NREP: variants seen among roughly 807,000 people sequenced by gnomAD.
NREP encodes the protein neuronal regeneration-related protein.
Under a neutral mutation model 8.6 loss-of-function variants are expected in NREP, and 5 were observed. That is an observed-to-expected ratio of 0.58 (90% CI 0.30 to 1.22). The LOEUF is 1.22. NREP is among the 50% of genes most tolerant of loss of function. The pLI, the probability that NREP is intolerant of heterozygous loss-of-function variation, is 0.07. For synonymous variants in NREP, 27 were observed against 28.0 expected (o/e 0.96, Z 0.11); for missense variants, 86 against 82.5 (o/e 1.04, Z -0.17).
chr5:111,779,210 G>A (rs1303107218), intron 2 of NREP, among the ~76,000 whole-genome samples: 1 of 152,124 alleles, frequency 6.6e-6, no homozygotes, highest in Non-Finnish European at 1.5e-5. Context: ...TTATTGCTGT[G>A]TTGTTGGGCT....
chr5:111,843,362 C>T (rs960173253), intron 2 of NREP, among the ~76,000 whole-genome samples: 3 of 151,782 alleles, frequency 2.0e-5, no homozygotes, highest in Non-Finnish European at 2.9e-5. Flanking sequence ...GAAGTTTTCA[C>T]TTGGGTCATT....
chr5:111,869,896 G>C (rs1263311516), intron 2 of NREP, among the ~76,000 whole-genome samples: 3 of 152,190 alleles, frequency 2.0e-5, no homozygotes, highest in Non-Finnish European at 4.4e-5. Context: ...GAAGAAATAT[G>C]TATCTGCAGC....
At chr5:111,848,689 A>C (rs1366132312) in intron 2 of NREP, among the ~76,000 whole-genome samples, 1 of 152,034 alleles carries the variant, frequency 6.6e-6, no homozygotes, top group Non-Finnish European at 1.5e-5. Flanking sequence ...TGAATTGCCA[A>C]AGACAATCTG....
intron 2 of NREP, among the ~76,000 whole-genome samples, chr5:111,890,300 A>G (rs1453463650): frequency 1.3e-5 from 2 of 152,238 alleles, no homozygotes; most frequent in African/African-American, 2.4e-5. Flanking sequence ...AGCCTTGGGC[A>G]GCTCTGCCCC....
At chr5:111,767,245 G>C (rs932490606) in intron 2 of NREP, among the ~76,000 whole-genome samples, 1 of 152,028 alleles carries the variant, frequency 6.6e-6, no homozygotes, top group Non-Finnish European at 1.5e-5. Context: ...TAAAGTCTGA[G>C]CACACTTTCA....
chr5:111,935,843 C>T (rs752768439), intron 2 of NREP, among the ~76,000 whole-genome samples: 1 of 152,002 alleles, frequency 6.6e-6, no homozygotes, highest in Non-Finnish European at 1.5e-5. Context: ...TCTAGGGCTG[C>T]CATCACAAAG....
At chr5:111,786,703 T>A (rs74368135) in intron 2 of NREP, among the ~76,000 whole-genome samples, 1 of 152,324 alleles carries the variant, frequency 6.6e-6, no homozygotes, top group South Asian at 2.1e-4. Flanking sequence ...TAATGAATGC[T>A]GTTGCATCTA....
At chr5:111,966,459 G>A (rs536160043) in intron 2 of NREP, among the ~76,000 whole-genome samples, 28 of 152,270 alleles carry the variant, frequency 1.8e-4, no homozygotes, top group African/African-American at 6.7e-4. Context: ...GAATTGAGAA[G>A]AGAAACTACT....
chr5:111,751,710 C>T (rs76496720), intron 2 of NREP, among the ~76,000 whole-genome samples: 5,014 of 152,126 alleles, frequency 0.033, 282 homozygotes, highest in African/African-American at 0.11. Context: ...TTGTATAACA[C>T]GGGAATTATA....
At chr5:111,872,680 C>G (rs556670393) in intron 2 of NREP, among the ~76,000 whole-genome samples, 8 of 152,206 alleles carry the variant, frequency 5.3e-5, no homozygotes, top group Middle Eastern at 3.4e-3. Context: ...GGACAAAATA[C>G]TGAAACTTTC....
At chr5:111,761,742 A>T (rs1050052845), upstream of NREP, among the ~76,000 whole-genome samples, 1 of 152,204 alleles carries the variant, frequency 6.6e-6, no homozygotes, top group Non-Finnish European at 1.5e-5. Flanking sequence ...GATCCAGGGA[A>T]GGTGACGCCA....
chr5:111,848,915 G>A (rs1753244800), intron 2 of NREP, among the ~76,000 whole-genome samples: 1 of 152,142 alleles, frequency 6.6e-6, no homozygotes, highest in African/African-American at 2.4e-5. Context: ...ATAAATGATA[G>A]CTTTGGGGTC....
Position 111,866,624 on chromosome 5 carries a change from ACC to A in NREP, c.135+108648_135+108649del, listed in dbSNP as rs552603091. ...GATCTAGAACTAGAAATACCGTTTG[ACC>A]CAGCCATCCCATTACTGGGTATATA... On this transcript the variant is annotated intron_variant, in intron 2 of 3. Coordinates refer to the NREP transcript ENST00000395634. Among the ~76,000 whole-genome samples, 1,184 of 152,270 alleles carry A rather than the reference ACC, an allele frequency of 7.8e-3. 13 individuals carry two copies. Among genetic ancestry groups the A allele is most frequent in the African/African-American group, 0.027 (1,107 of 41,548 alleles).
At chr5:111,844,718 A>AATAT (rs1433474903) in intron 2 of NREP, among the ~76,000 whole-genome samples, 1 of 147,908 alleles carries the variant, frequency 6.8e-6, no homozygotes, top group Non-Finnish European at 1.5e-5. Flanking sequence ...GCCATTGAAA[A>AATAT]ATATATTCTA....
chr5:111,848,762 T>C (rs1365733871), intron 2 of NREP, among the ~76,000 whole-genome samples: 1 of 151,112 alleles, frequency 6.6e-6, no homozygotes, highest in Non-Finnish European at 1.5e-5. Flanking sequence ...ATGAATGCCA[T>C]GCTTTAATGT....
intron 2 of NREP, among the ~76,000 whole-genome samples, chr5:111,913,504 T>C (rs1561724206): frequency 1.3e-5 from 2 of 152,072 alleles, no homozygotes; most frequent in Non-Finnish European, 2.9e-5. Context: ...ATTCAAAGGA[T>C]AGACATCTTC....
intron 2 of NREP, among the ~76,000 whole-genome samples, chr5:111,752,861 T>C (rs539271742): frequency 1.3e-5 from 2 of 152,318 alleles, no homozygotes; most frequent in Admixed American, 6.5e-5. Context: ...ATTAAATAAC[T>C]TATTTTTTCA....
intron 2 of NREP, among the ~76,000 whole-genome samples, chr5:111,973,508 AG>A (rs766007090): frequency 9.9e-5 from 15 of 152,194 alleles, no homozygotes; most frequent in Non-Finnish European, 1.5e-4. Context: ...TCCAGTCAAA[AG>A]TCTTGCATCC....
intron 2 of NREP, among the ~76,000 whole-genome samples, chr5:111,769,118 A>G (rs1751155979): frequency 1.3e-5 from 2 of 152,152 alleles, no homozygotes; most frequent in African/African-American, 2.4e-5. Context: ...TGTTAATCCT[A>G]TATCTTAAAT....
Sources: allele counts gnomAD v4.1 joint callset (sites outside exome capture counted in the v4.1 genomes callset), GRCh38; gene constraint gnomAD v4.1.1; transcripts MANE v1.5; gene names NCBI Gene and HGNC (gene_info 2026-07-23, HGNC 2026-07-21).